CHIA: variants seen among roughly 807,000 people sequenced by gnomAD.
The protein encoded by CHIA is chitinase acidic, also known as acidic mammalian chitinase.
Under a neutral mutation model 53.5 loss-of-function variants are expected in CHIA, and 47 were observed. The ratio of observed to expected loss-of-function variants is 0.88; its 90% CI spans 0.70 to 1.12. CHIA has a LOEUF of 1.12. CHIA is among the 50% of genes most tolerant of loss of function. The probability of loss-of-function intolerance (pLI) is 0.00; values close to 1 mark genes in which losing one functional copy is unlikely to be tolerated. For synonymous variants in CHIA, 268 were observed against 222.2 expected (o/e 1.21, Z -1.83); for missense variants, 652 against 592.2 (o/e 1.10, Z -1.05).
chr1:111,300,947 A>T (rs911048104), intron 1 of CHIA, among the ~76,000 whole-genome samples: 23 of 152,252 alleles, frequency 1.5e-4, no homozygotes, highest in African/African-American at 5.3e-4. Context: ...TCTCAAAAGA[A>T]GACATTTATG....
At chr1:111,318,970 G>A (rs1486118170) in intron 9 of CHIA, 150 bp from the exon 10 acceptor site, 11 of 1,135,206 alleles carry the variant, frequency 9.7e-6, no homozygotes, top group Non-Finnish European at 1.2e-5. Flanking sequence ...CATTTGACAA[G>A]CAACTTGATC....
chr1:111,320,295 T>G lies in CHIA; in HGVS notation c.1260T>G (p.Ser420=), dbSNP rs1557752516. ...GGAACGGGAGCGGGAGTAGCAGCTC[T>G]GGAGGCAGCTCGGGAGGCAGTGGAT... ...GSGNGSGSSS[S]GGSSGGSGFC... is the part of the protein sequence containing the mutation. The change falls in exon 12 of 12, where the codon TCT becomes TCG. Residue 420 remains serine (S), a synonymous_variant. Coordinates refer to ENST00000369740, the MANE Select transcript of CHIA (RefSeq NM_201653.4). The G allele has an allele frequency of 1.2e-6, 2 of 1,614,190 alleles. No individual in the cohort carries two copies. Among genetic ancestry groups the G allele is most frequent in the Admixed American group, 1.7e-5 (1 of 60,022 alleles).
chr1:111,317,286 G>T, intron 6 of CHIA: 1 of 178,742 alleles, frequency 5.6e-6, no homozygotes, highest in Non-Finnish European at 1.2e-5. Context: ...TTATTTGATG[G>T]GATGTCAGTC....
intron 1 of CHIA, among the ~76,000 whole-genome samples, chr1:111,299,405 T>C (rs1165757643): frequency 1.3e-5 from 2 of 152,236 alleles, no homozygotes; most frequent in Non-Finnish European, 2.9e-5. Context: ...CAAGTTGGCT[T>C]CATCCCTGGG....
chr1:111,319,518 C>G (rs1649479532), intron 11 of CHIA, 50 bp downstream of exon 11: 5 of 1,582,248 alleles, frequency 3.2e-6, no homozygotes, highest in African/African-American at 1.3e-5. Flanking sequence ...CCTTCTCCAA[C>G]TCAAAAAGCA....
At chr1:111,294,585 TAGA>T (rs1324147834) in intron 1 of CHIA, among the ~76,000 whole-genome samples, 1 of 152,212 alleles carries the variant, frequency 6.6e-6, no homozygotes, top group African/African-American at 2.4e-5. Flanking sequence ...CTATGTTGAA[TAGA>T]AGTGGCAAAA....
At chr1:111,300,242 A>C (rs141945510) in intron 1 of CHIA, among the ~76,000 whole-genome samples, 9,254 of 152,286 alleles carry the variant, frequency 0.061, 371 homozygotes, top group East Asian at 0.12. Context: ...TTTAAAGTTC[A>C]TATGGAACCA....
At chr1:111,298,982 A>T (rs1647468544) in intron 1 of CHIA, among the ~76,000 whole-genome samples, 1 of 152,198 alleles carries the variant, frequency 6.6e-6, no homozygotes, top group Non-Finnish European at 1.5e-5. Flanking sequence ...AAACCAGAAA[A>T]TCTAGAATAA....
intron 2 of CHIA, 93 bp downstream of exon 2, chr1:111,310,585 T>TC: frequency 1.9e-6 from 3 of 1,572,164 alleles, no homozygotes; most frequent in Non-Finnish European, 2.6e-6. Context: ...TCATACTACA[T>TC]CCCTATACTT....
intron 1 of CHIA, among the ~76,000 whole-genome samples, chr1:111,295,498 T>C (rs758959928): frequency 6.6e-6 from 1 of 152,244 alleles, no homozygotes; most frequent in Non-Finnish European, 1.5e-5. Context: ...CAATTGTTCA[T>C]AAAAGCCTCA....
chr1:111,318,574 T>G lies in CHIA; in HGVS notation c.811T>G (p.Phe271Val), dbSNP rs78293817. 154 of 1,614,188 alleles carry G rather than the reference T, an allele frequency of 9.5e-5. No homozygotes were observed. The East Asian group carries it at 3.4e-3, about 36-fold the overall frequency. ...TGGATTCCCTACCTATGGACACAAC[T>G]TCATCCTGAGCAACCCCTCCAACAC... ...IVGFPTYGHNFILSNPSNTGI... is the reference protein window; with the variant it reads ...IVGFPTYGHNVILSNPSNTGI... The change falls in exon 9 of 12, where the codon TTC (phenylalanine) becomes GTC (valine). Residue 271 changes from phenylalanine to valine, a missense_variant. Transcript: ENST00000369740.
At chr1:111,315,182 G>A (rs1386611773) in intron 5 of CHIA, 88 bp from the exon 6 acceptor site, 2 of 942,750 alleles carry the variant, frequency 2.1e-6, no homozygotes, top group Admixed American at 3.7e-5. Context: ...CTGATGAAGG[G>A]CTCTGAGGCA....
intron 1 of CHIA, among the ~76,000 whole-genome samples, chr1:111,293,790 A>C (rs995619477): frequency 6.6e-6 from 1 of 152,202 alleles, no homozygotes; most frequent in Non-Finnish European, 1.5e-5. Flanking sequence ...GCCCAAAAAC[A>C]TCAATGGGGC....
At chr1:111,303,248 TTAGAG>T (rs1378012548) in intron 1 of CHIA, among the ~76,000 whole-genome samples, 3 of 152,114 alleles carry the variant, frequency 2.0e-5, no homozygotes, top group African/African-American at 7.2e-5. Context: ...ATATTTATAT[TTAGAG>T]TAATTACTGA....
intron 4 of CHIA, among the ~76,000 whole-genome samples, chr1:111,312,719 T>C (rs1262506916): frequency 6.6e-6 from 1 of 152,220 alleles, no homozygotes; most frequent in Non-Finnish European, 1.5e-5. Context: ...ATAGTAACCA[T>C]GTTGTACAAT....
rs148068111 is a variant in CHIA at position 111,306,354 on chromosome 1, G to A, written c.-68-4046G>A. On this transcript the variant is annotated intron_variant, in intron 1 of 11. Coordinates refer to ENST00000369740, the MANE Select transcript of CHIA (RefSeq NM_201653.4). ...GGTAGAAATGGCATTTCAAATTAGCGTGGAAAAGATGGGTTATTAAAATTA... is the reference window on the plus strand; with the variant it reads ...GGTAGAAATGGCATTTCAAATTAGCATGGAAAAGATGGGTTATTAAAATTA... 1.7e-3 allele frequency among the ~76,000 whole-genome samples: 253 copies of A among 152,258 alleles called. 2 individuals are homozygous for A. Among genetic ancestry groups the A allele is most frequent in the South Asian group, 0.012 (58 of 4,822 alleles).
chr1:111,318,035 G>C lies in CHIA; in HGVS notation c.655G>C (p.Glu219Gln). The change falls in exon 8 of 12, where the codon GAG becomes CAG. Residue 219 changes from glutamate to glutamine, a missense_variant. Transcript: ENST00000369740. ...VMTYDLHGSW[E>Q]GYTGENSPLY... Reference sequence around the variant, plus strand: ...GACCTACGACCTCCATGGCTCCTGGGAGGGCTACACTGGAGAGAACAGCCC... The same window carrying C: ...GACCTACGACCTCCATGGCTCCTGGCAGGGCTACACTGGAGAGAACAGCCC... 1 of 1,614,116 alleles carries C rather than the reference G, an allele frequency of 6.2e-7. No individual in the cohort carries two copies. The highest frequency in any genetic ancestry group is 8.5e-7 in the Non-Finnish European group (1 of 1,180,000).
intron 1 of CHIA, among the ~76,000 whole-genome samples, chr1:111,304,958 C>G (rs1648060448): frequency 6.6e-6 from 1 of 151,952 alleles, no homozygotes. Context: ...GAGATGTGAT[C>G]TTTCTGTGTT....
At chr1:111,310,750 T>C (rs764140377) in intron 2 of CHIA, among the ~76,000 whole-genome samples, 1 of 152,250 alleles carries the variant, frequency 6.6e-6, no homozygotes, top group Non-Finnish European at 1.5e-5. Flanking sequence ...TACTTTCTCC[T>C]AGTGCTAGTC....
Sources: gnomAD v4.1 joint callset for allele counts (sites outside exome capture counted in the v4.1 genomes callset) on GRCh38, gnomAD v4.1.1 for gene constraint, MANE v1.5 for transcripts, NCBI Gene and HGNC (gene_info 2026-07-23, HGNC 2026-07-21) for gene names.